EVI5: variants seen among roughly 807,000 people sequenced by gnomAD.
EVI5 encodes ecotropic viral integration site 5 protein homolog.
Under a neutral mutation model 112.0 loss-of-function variants are expected in EVI5, and 73 were observed. That is an observed-to-expected ratio of 0.65 (90% CI 0.54 to 0.79). The LOEUF is 0.79. Ranked by LOEUF, EVI5 falls within the 30% of genes least tolerant of loss-of-function variation. The pLI is 0.00. For missense variants in EVI5, 900 were observed against 968.8 expected (o/e 0.93, Z 0.94); for synonymous variants, 305 against 319.9 (o/e 0.95, Z 0.50).
At chr1:92,717,838 G>A (rs374204084) in intron 2 of EVI5, among the ~76,000 whole-genome samples, 16 of 151,962 alleles carry the variant, frequency 1.1e-4, no homozygotes, top group African/African-American at 3.9e-4. Context: ...CAAAATAAAG[G>A]GATGGAGGAA....
chr1:92,630,128 A>G (rs1158066589), intron 14 of EVI5, among the ~76,000 whole-genome samples: 1 of 152,198 alleles, frequency 6.6e-6, no homozygotes, highest in Non-Finnish European at 1.5e-5. Context: ...CAAGAAACAT[A>G]CGTGTGCATG....
intron 2 of EVI5, among the ~76,000 whole-genome samples, chr1:92,723,368 C>T (rs551808205): frequency 1.1e-4 from 16 of 152,276 alleles, no homozygotes; most frequent in South Asian, 2.1e-4. Flanking sequence ...ACGGAGGGAC[C>T]GGCTGGAGCC....
chr1:92,553,715 T>G (rs1667307367), intron 19 of EVI5, among the ~76,000 whole-genome samples: 1 of 152,202 alleles, frequency 6.6e-6, no homozygotes, highest in Non-Finnish European at 1.5e-5. Flanking sequence ...ATCACAGGTG[T>G]GAGCCACCAC....
At chr1:92,629,838 C>T (rs1411741091) in intron 14 of EVI5, among the ~76,000 whole-genome samples, 1 of 135,094 alleles carries the variant, frequency 7.4e-6, no homozygotes, top group African/African-American at 2.8e-5. Context: ...CAAAACAGGC[C>T]CCAGGGTGCG....
rs189611170 is a variant in EVI5 at position 92,731,335 on chromosome 1, A to C, written c.149+5063T>G. ...CCCCATTTCAAAAAAACAAAAAAAG[A>C]AATACAATTGTATTTTCTTTTTAAC... is the stretch of plus-strand genomic sequence containing the variant. On this transcript the variant is annotated intron_variant, in intron 2 of 19. Transcript: ENST00000684568. Among the ~76,000 whole-genome samples the C allele has an allele frequency of 7.2e-5, 11 of 152,310 alleles. No individual in the cohort carries two copies. The East Asian group carries it at 2.1e-3, about 29-fold the overall frequency.
At chr1:92,704,410 T>C (rs1219362386) in intron 3 of EVI5, 145 bp downstream of exon 3, 2 of 453,284 alleles carry the variant, frequency 4.4e-6, no homozygotes, top group African/African-American at 2.0e-5. Context: ...CTTTTAGGGG[T>C]ACAAGTAAGT....
At chr1:92,733,139 A>T in intron 2 of EVI5, 1 of 226,654 alleles carries the variant, frequency 4.4e-6, no homozygotes, top group South Asian at 7.8e-5. Context: ...TATCCTTAGA[A>T]CTTACTTTGG....
intron 14 of EVI5, among the ~76,000 whole-genome samples, chr1:92,630,617 T>A (rs926828899): frequency 2.0e-5 from 3 of 152,156 alleles, no homozygotes; most frequent in African/African-American, 4.8e-5. Flanking sequence ...ATTCTGTAGG[T>A]TGCCTGTTCA....
intron 19 of EVI5, among the ~76,000 whole-genome samples, chr1:92,558,648 T>C (rs1210604284): frequency 1.3e-5 from 2 of 152,116 alleles, no homozygotes; most frequent in African/African-American, 4.8e-5. Flanking sequence ...CTTTCTCTTC[T>C]ACAATCAGTT....
chr1:92,557,522 C>A (rs1557780419), intron 19 of EVI5, among the ~76,000 whole-genome samples: 1 of 151,988 alleles, frequency 6.6e-6, no homozygotes, highest in Non-Finnish European at 1.5e-5. Flanking sequence ...TAGTCTCAAA[C>A]TCCTGACCTT....
chr1:92,636,113 C>T (rs41286811), intron 14 of EVI5, 89 bp downstream of exon 14: 118,147 of 1,060,438 alleles, frequency 0.11, 7,577 homozygotes, highest in Middle Eastern at 0.14. Context: ...ATAAAAACAC[C>T]AAGTCAATTA....
intron 13 of EVI5, chr1:92,647,169 A>T: frequency 6.2e-6 from 1 of 161,596 alleles, no homozygotes; most frequent in South Asian, 1.7e-4. Context: ...CGTTAGACTT[A>T]AAGTCAGCAA....
rs1571617283 is a variant in EVI5 at position 92,571,736 on chromosome 1, C to T, written c.2071-7999G>A. On this transcript the variant is annotated intron_variant, in intron 18 of 19. Coordinates refer to ENST00000684568, the MANE Select transcript of EVI5 (RefSeq NM_001350197.2). ...ATTTTTATAACTTTCTATTTTCAAA[C>T]AGTGTCCACATGGTTGTTTCTGATA... 2.0e-5 allele frequency among the ~76,000 whole-genome samples: 3 copies of T among 152,210 alleles called. No individual in the cohort carries two copies. In the South Asian group the frequency reaches 6.2e-4, roughly 32 times the overall value.
intron 11 of EVI5, among the ~76,000 whole-genome samples, chr1:92,665,265 C>A (rs1401513836): frequency 6.6e-6 from 1 of 152,050 alleles, no homozygotes; most frequent in African/African-American, 2.4e-5. Context: ...AGATGTCTTT[C>A]TTTTAATAAA....
intron 18 of EVI5, among the ~76,000 whole-genome samples, chr1:92,592,968 C>G (rs906011833): frequency 1.3e-5 from 2 of 152,202 alleles, no homozygotes; most frequent in Non-Finnish European, 2.9e-5. Flanking sequence ...CAGATGGATT[C>G]ACAGCCGAAT....
At chr1:92,734,089 A>C (rs1442226893) in intron 2 of EVI5, among the ~76,000 whole-genome samples, 1 of 152,218 alleles carries the variant, frequency 6.6e-6, no homozygotes, top group Non-Finnish European at 1.5e-5. Context: ...GTCTACCTAC[A>C]TCATGATGTA....
At chr1:92,637,711 C>T in intron 13 of EVI5, among the ~76,000 whole-genome samples, 1 of 152,124 alleles carries the variant, frequency 6.6e-6, no homozygotes, top group East Asian at 1.9e-4. Flanking sequence ...TTCTACTGAA[C>T]TAGCATGAAT....
chr1:92,662,156 T>C (rs982127034), intron 13 of EVI5, among the ~76,000 whole-genome samples: 2 of 152,188 alleles, frequency 1.3e-5, no homozygotes, highest in Admixed American at 6.5e-5. Context: ...AGGGTTAATC[T>C]TTTTCATCTT....
intron 1 of EVI5, among the ~76,000 whole-genome samples, chr1:92,763,886 A>G (rs1682241477): frequency 6.6e-6 from 1 of 152,218 alleles, no homozygotes. Flanking sequence ...AAAGAAGAGA[A>G]AATGAGAGAA....
Sources: gnomAD v4.1 joint callset for allele counts (sites outside exome capture counted in the v4.1 genomes callset) on GRCh38, gnomAD v4.1.1 for gene constraint, MANE v1.5 for transcripts, NCBI Gene and HGNC (gene_info 2026-07-23, HGNC 2026-07-21) for gene names.